The following MORF4L1 variants were observed in gnomAD, a reference collection of about 807,000 sequenced individuals.
The protein encoded by MORF4L1 is mortality factor 4-like protein 1.
A neutral mutation model predicts 52.9 loss-of-function variants in MORF4L1; 4 were observed. The observed-to-expected ratio is 0.08, with a 90% CI of 0.04 to 0.17. The LOEUF (loss-of-function observed/expected upper bound fraction) is 0.17, where lower values mean the gene tolerates loss of function less well. MORF4L1 is among the 10% of genes least tolerant of loss of function. The pLI, the probability that MORF4L1 is intolerant of heterozygous loss-of-function variation, is 1.00. For missense variants in MORF4L1, 214 were observed against 390.4 expected, an observed-to-expected ratio of 0.55 and a Z score of 3.81; for synonymous variants, 123 against 134.8, an observed-to-expected ratio of 0.91 and a Z score of 0.61.
At position 78,887,187 on chromosome 15, in the gene MORF4L1, A is replaced by C. The variant is rs1196664935; in HGVS notation, c.243-82A>C. ...ACTTGTTGCCAGAATTTGAATGTAA[A>C]TTCCTAATGGAATCAGGCTGACAAT... is the stretch of plus-strand genomic sequence containing the variant. On this transcript the variant is annotated intron_variant, in intron 4 of 11. Transcript: ENST00000426013. 3.3e-6 allele frequency: 4 copies of C among 1,197,088 alleles called. No individual in the cohort carries two copies. The African/African-American group carries it at 6.2e-5, about 18-fold the overall frequency. The allele number at this position is 1,197,088 out of a possible 1,614,324, so 74.2% of individuals were successfully genotyped here. A position where few individuals can be genotyped will look rare whatever the true frequency, so the allele number is the denominator to read the frequency against.
intron 1 of MORF4L1, among the ~76,000 whole-genome samples, chr15:78,874,392 T>G (rs2056438393): frequency 6.6e-6 from 1 of 152,054 alleles, no homozygotes; most frequent in Admixed American, 6.6e-5. Flanking sequence ...TTTGTTTGTA[T>G]TTTTGAGACG....
At chr15:78,873,260 G>A (rs910022419) in intron 1 of MORF4L1, 23 of 1,487,696 alleles carry the variant, frequency 1.5e-5, no homozygotes, top group Non-Finnish European at 1.8e-5. Flanking sequence ...CGAGAGTGCT[G>A]CGCAGGCGTT....
chr15:78,895,247 A>G (rs1294568138), intron 11 of MORF4L1, among the ~76,000 whole-genome samples: 1 of 152,224 alleles, frequency 6.6e-6, no homozygotes, highest in Non-Finnish European at 1.5e-5. Context: ...GGAGAAATGT[A>G]ATATTTTCAT....
intron 2 of MORF4L1, 105 bp from the exon 3 acceptor site, chr15:78,880,407 T>A: frequency 1.3e-6 from 1 of 767,430 alleles, no homozygotes; most frequent in Non-Finnish European, 2.1e-6. Context: ...TCATTCTGTT[T>A]AGGCCACCAT....
chr15:78,877,709 A>G (rs1348639429), intron 1 of MORF4L1: 1 of 152,324 alleles, frequency 6.6e-6, no homozygotes. Flanking sequence ...ATCATTCCAC[A>G]TTTGAAGAAT....
intron 5 of MORF4L1, among the ~76,000 whole-genome samples, chr15:78,889,636 G>A (rs1001234203): frequency 1.3e-5 from 2 of 152,152 alleles, no homozygotes; most frequent in Non-Finnish European, 2.9e-5. Context: ...TGCAAGTAAA[G>A]TTCATGGTTG....
intron 3 of MORF4L1, among the ~76,000 whole-genome samples, chr15:78,882,677 A>G (rs2056623684): frequency 6.6e-6 from 1 of 152,188 alleles, no homozygotes; most frequent in South Asian, 2.1e-4. Flanking sequence ...TAACATCTTA[A>G]TTTTATGCAT....
chr15:78,874,173 A>G (rs899997109), intron 1 of MORF4L1, among the ~76,000 whole-genome samples: 6 of 152,332 alleles, frequency 3.9e-5, no homozygotes, highest in Admixed American at 3.9e-4. Flanking sequence ...AAGGAGGAAC[A>G]CTTTAACATT....
intron 3 of MORF4L1, among the ~76,000 whole-genome samples, chr15:78,882,571 A>G (rs1269464679): frequency 2.6e-5 from 4 of 152,194 alleles, no homozygotes; most frequent in African/African-American, 9.7e-5. Context: ...ACTGCATTTC[A>G]ATCTTTATTA....
chr15:78,874,225 AC>A (rs1425081816), intron 1 of MORF4L1, among the ~76,000 whole-genome samples: 1 of 152,248 alleles, frequency 6.6e-6, no homozygotes, highest in Non-Finnish European at 1.5e-5. Context: ...TACCGTAAAT[AC>A]GATGTCTACA....
chr15:78,878,798 TAAA>T (rs754996997), intron 2 of MORF4L1, among the ~76,000 whole-genome samples: 2 of 151,974 alleles, frequency 1.3e-5, no homozygotes, highest in Admixed American at 1.3e-4. Flanking sequence ...CATTCCAAAG[TAAA>T]AAAAAGTTTC....
chr15:78,896,944 G>A (rs1001254258), intron 11 of MORF4L1, 39 bp from the exon 12 acceptor site: 10 of 1,513,932 alleles, frequency 6.6e-6, no homozygotes, highest in Non-Finnish European at 9.1e-6. Context: ...TCAAGATAAT[G>A]ACCTTTAAAA....
At chr15:78,876,687 T>C in intron 1 of MORF4L1, 1 of 400,710 alleles carries the variant, frequency 2.5e-6, no homozygotes, top group Admixed American at 2.9e-5. Flanking sequence ...CAGTATAGTT[T>C]ACCCATTTTA....
chr15:78,875,156 T>C (rs886866828), intron 1 of MORF4L1, among the ~76,000 whole-genome samples: 1 of 152,220 alleles, frequency 6.6e-6, no homozygotes, highest in Non-Finnish European at 1.5e-5. Context: ...GTGTGTGTTT[T>C]ATGTATTTAT....
chr15:78,885,392 T>A (rs1474148139), intron 3 of MORF4L1, among the ~76,000 whole-genome samples: 2 of 152,212 alleles, frequency 1.3e-5, no homozygotes, highest in Non-Finnish European at 2.9e-5. Flanking sequence ...AACAAGCTCT[T>A]TGAAGTGCCA....
chr15:78,878,302 G>A, intron 2 of MORF4L1, 43 bp downstream of exon 2: 1 of 1,566,308 alleles, frequency 6.4e-7, no homozygotes, highest in South Asian at 1.2e-5. Flanking sequence ...CAAAACTACT[G>A]GTTAGATCTG....
rs2056909258 is a variant in MORF4L1, at chr15:78,897,370, T to C, written c.*303T>C. On this transcript the variant is annotated 3_prime_UTR_variant, in exon 12 of 12. Transcript: ENST00000426013. ...TTTGAATGCTGGTGGTTCTATTCCT[T>C]TGACACTACGCACTTTTATAATACA... The C allele has an allele frequency of 3.9e-6, 1 of 258,308 alleles. No homozygotes were observed. Among genetic ancestry groups the C allele is most frequent in the Admixed American group, 4.8e-5 (1 of 20,642 alleles). 16.0% of individuals were successfully genotyped at this position (258,308 alleles called of 1,614,324 possible).
At chr15:78,893,176 G>A (rs747633251) in intron 8 of MORF4L1, among the ~76,000 whole-genome samples, 18 of 152,314 alleles carry the variant, frequency 1.2e-4, no homozygotes, top group Admixed American at 5.9e-4. Flanking sequence ...TGACTTGGTA[G>A]TACCACAAAG....
chr15:78,890,107 C>G (rs1370615811), intron 5 of MORF4L1, among the ~76,000 whole-genome samples: 1 of 152,016 alleles, frequency 6.6e-6, no homozygotes. Flanking sequence ...ATGGTCCCAG[C>G]TACTTGGAAG....
Sources: gnomAD v4.1 joint callset for allele counts (sites outside exome capture counted in the v4.1 genomes callset) on GRCh38, gnomAD v4.1.1 for gene constraint, MANE v1.5 for transcripts, NCBI Gene and HGNC (gene_info 2026-07-23, HGNC 2026-07-21) for gene names.